The following AMPD3 variants were observed in gnomAD, a reference collection of about 807,000 sequenced individuals.
The protein encoded by AMPD3 is adenosine monophosphate deaminase 3.
Under a neutral mutation model 82.3 loss-of-function variants are expected in AMPD3, and 57 were observed. The ratio of observed to expected loss-of-function variants is 0.69; its 90% CI spans 0.56 to 0.86. AMPD3 has a LOEUF of 0.86. Among genes scored for constraint, AMPD3 ranks in the 40% least tolerant of loss-of-function variants. AMPD3 has a pLI of 0.00. For missense variants in AMPD3, 870 were observed against 1,003.8 expected, an observed-to-expected ratio of 0.87 and a Z score of 1.80; for synonymous variants, 381 against 394.7, an observed-to-expected ratio of 0.97 and a Z score of 0.41.
chr11:10,466,057 T>C (rs1038005722), intron 2 of AMPD3, among the ~76,000 whole-genome samples: 10 of 151,116 alleles, frequency 6.6e-5, no homozygotes, highest in African/African-American at 2.4e-4. Flanking sequence ...ACGTCAGGAG[T>C]TCAAGACCAG....
At position 10,482,069 on chromosome 11, in the gene AMPD3, T is replaced by C; in HGVS notation, c.433T>C (p.Leu145=). The C allele has an allele frequency of 1.2e-6, 2 of 1,614,174 alleles. No individual in the cohort carries two copies. The highest frequency in any genetic ancestry group is 1.7e-6 in the Non-Finnish European group (2 of 1,180,034). ...GCCTGCCTCCCTTCTGCAGATCACT[T>C]TGGAGGACTATGAGCAGGCAGCCAA... ...ISGDYCAGIT[L]EDYEQAAKSL... is the part of the protein sequence containing the mutation. Residue 145 remains leucine, a synonymous_variant, in exon 4 of 15, where the codon TTG becomes CTG. Coordinates refer to ENST00000396553, the MANE Select transcript of AMPD3 (RefSeq NM_001025389.2).
chr11:10,480,001 C>G (rs1307190729), intron 3 of AMPD3: 4 of 982,154 alleles, frequency 4.1e-6, no homozygotes, highest in Non-Finnish European at 4.8e-6. Flanking sequence ...AAGCAAGAGT[C>G]GAGGTGGGTC....
In AMPD3 at chr11:10,476,993, G is replaced by A. The variant is rs373377280; in HGVS notation, c.222-1533G>A. 9.6e-5 allele frequency: 95 copies of A among 985,462 alleles called. No homozygotes were observed. In the African/African-American group the frequency reaches 1.6e-3, roughly 17 times the overall value. 61.0% of individuals were successfully genotyped at this position (985,462 alleles called of 1,614,324 possible). On this transcript the variant is annotated intron_variant, in intron 2 of 14. Transcript: ENST00000396553. ...CACCTCTGTCTTGCAGGTTAAAATA[G>A]CCTTGTCCCAAAGATGTGATAACAC...
upstream of AMPD3, among the ~76,000 whole-genome samples, chr11:10,454,383 A>T (rs756239596): frequency 6.6e-6 from 1 of 152,204 alleles, no homozygotes; most frequent in Non-Finnish European, 1.5e-5. Flanking sequence ...TGAAGACTCA[A>T]GGTGGAGGGT....
chr11:10,496,606 G>T, intron 9 of AMPD3: 2 of 966,524 alleles, frequency 2.1e-6, no homozygotes, highest in Non-Finnish European at 1.2e-6. Flanking sequence ...GCATGGGTAG[G>T]TGTGGAGCTT....
At chr11:10,479,236 A>G (rs571883994) in intron 3 of AMPD3, among the ~76,000 whole-genome samples, 1 of 152,324 alleles carries the variant, frequency 6.6e-6, no homozygotes, top group East Asian at 1.9e-4. Flanking sequence ...ATTGGTTTAC[A>G]CTAAGTCAAT....
chr11:10,458,015 G>T (rs1408277649), intron 1 of AMPD3, among the ~76,000 whole-genome samples: 1 of 152,104 alleles, frequency 6.6e-6, no homozygotes, highest in African/African-American at 2.4e-5. Flanking sequence ...CCTGGTTGGG[G>T]GTGTCTGGGT....
intron 3 of AMPD3, among the ~76,000 whole-genome samples, chr11:10,480,820 C>A (rs1437695657): frequency 6.6e-6 from 1 of 152,136 alleles, no homozygotes; most frequent in Non-Finnish European, 1.5e-5. Context: ...CAGGCCCCAG[C>A]CCTCCCCACT....
At chr11:10,501,741 A>C in intron 12 of AMPD3, 151 bp downstream of exon 12, 2 of 1,468,214 alleles carry the variant, frequency 1.4e-6, no homozygotes, top group Non-Finnish European at 1.8e-6. Context: ...TGAAAGTAAT[A>C]TAATCAAACT....
At chr11:10,481,315 G>T in intron 3 of AMPD3, 1 of 455,862 alleles carries the variant, frequency 2.2e-6, no homozygotes, top group Non-Finnish European at 2.9e-6. Context: ...TTCGCCATCT[G>T]AAGGACACAT....
chr11:10,490,595 G>A (rs570736253), intron 6 of AMPD3: 1 of 985,262 alleles, frequency 1.0e-6, no homozygotes, highest in Non-Finnish European at 1.2e-6. Context: ...CAATTATTTT[G>A]TTCCTAAAAT....
At chr11:10,461,060 T>G in intron 1 of AMPD3, 1 of 1,165,726 alleles carries the variant, frequency 8.6e-7, no homozygotes, top group South Asian at 1.7e-5. Context: ...TGCTGTAATC[T>G]TGTGCGACCT....
intron 10 of AMPD3, chr11:10,497,787 G>A (rs764869259): frequency 5.7e-5 from 56 of 985,234 alleles, no homozygotes; most frequent in South Asian, 9.4e-5. Context: ...TTGACCCAGC[G>A]GAAATAGCTC....
At chr11:10,454,009 A>G (rs1284702643), upstream of AMPD3, among the ~76,000 whole-genome samples, 3 of 152,126 alleles carry the variant, frequency 2.0e-5, no homozygotes, top group Admixed American at 6.5e-5. Flanking sequence ...CGGGCCCTGT[A>G]TCTGGTTATC....
intron 5 of AMPD3, chr11:10,486,786 G>A (rs1849083356): frequency 1.0e-6 from 1 of 985,244 alleles, no homozygotes; most frequent in Non-Finnish European, 1.2e-6. Context: ...ATGACAAGTG[G>A]CTGAGGATAG....
chr11:10,496,012 G>A (rs1849389029), intron 9 of AMPD3, among the ~76,000 whole-genome samples: 2 of 149,740 alleles, frequency 1.3e-5, no homozygotes, highest in African/African-American at 4.9e-5. Context: ...CCACCTCCCT[G>A]ATTCAAGCAA....
Position 10,507,392 on chromosome 11 carries a change from A to T in AMPD3, c.*1508A>T, listed in dbSNP as rs1439407714. 1 of 151,828 alleles carries T rather than the reference A, an allele frequency of 6.6e-6. No individual in the cohort carries two copies. Among genetic ancestry groups the T allele is most frequent in the Non-Finnish European group, 1.5e-5 (1 of 68,046 alleles). 9.4% of individuals were successfully genotyped at this position (151,828 alleles called of 1,614,324 possible). On this transcript the variant is annotated 3_prime_UTR_variant, in exon 15 of 15. Coordinates refer to ENST00000396553, the MANE Select transcript of AMPD3 (RefSeq NM_001025389.2). ...TGCAGTCTTTTTACTAGGCAGATAT[A>T]TATGCTATCTTACAGCTAATTATGA... is the stretch of plus-strand genomic sequence containing the variant.
intron 6 of AMPD3, among the ~76,000 whole-genome samples, chr11:10,492,151 T>C (rs753632114): frequency 2.6e-5 from 4 of 152,218 alleles, no homozygotes; most frequent in Non-Finnish European, 5.9e-5. Flanking sequence ...AGAAATCCCA[T>C]GAGGTGTTTT....
intron 10 of AMPD3, 38 bp downstream of exon 10, chr11:10,496,976 G>A (rs746158963): frequency 6.2e-7 from 1 of 1,609,636 alleles, no homozygotes; most frequent in Non-Finnish European, 8.5e-7. Context: ...GCTCATAGCG[G>A]CAGAGGCAGG....
Sources: gnomAD v4.1 joint callset for allele counts (sites outside exome capture counted in the v4.1 genomes callset) on GRCh38, gnomAD v4.1.1 for gene constraint, MANE v1.5 for transcripts, NCBI Gene and HGNC (gene_info 2026-07-23, HGNC 2026-07-21) for gene names.